EXOSC8: variants seen among roughly 807,000 people sequenced by gnomAD.
EXOSC8 encodes exosome complex component RRP43.
A neutral mutation model predicts 39.9 loss-of-function variants in EXOSC8; 37 were observed. That is an observed-to-expected ratio of 0.93 (90% CI 0.71 to 1.22). The LOEUF (loss-of-function observed/expected upper bound fraction) is 1.22. EXOSC8 is among the 50% of genes most tolerant of loss of function. The probability of loss-of-function intolerance (pLI) is 0.00; values close to 1 mark genes in which losing one functional copy is unlikely to be tolerated. For missense variants in EXOSC8, 313 were observed against 326.6 expected, an observed-to-expected ratio of 0.96 and a Z score of 0.32; for synonymous variants, 93 against 109.5, an observed-to-expected ratio of 0.85 and a Z score of 0.94.
chr13:37,006,861 T>C, intron 7 of EXOSC8, 114 bp from the exon 8 acceptor site: 1 of 651,970 alleles, frequency 1.5e-6, no homozygotes, highest in Non-Finnish European at 2.7e-6. Context: ...TTTTGAGCCT[T>C]GAAAGTTATC....
chr13:37,002,337 C>T (rs748000621), intron 2 of EXOSC8, 28 bp downstream of exon 2: 34 of 1,568,708 alleles, frequency 2.2e-5, no homozygotes, highest in Non-Finnish European at 2.8e-5. Flanking sequence ...ACATGTTATG[C>T]GTTTTGATAA....
At chr13:37,004,102 C>T (rs1349632264) in intron 4 of EXOSC8, 1 of 153,936 alleles carries the variant, frequency 6.5e-6, no homozygotes, top group Admixed American at 6.5e-5. Flanking sequence ...AAACTCCTGA[C>T]CTCAGGTGAT....
intron 2 of EXOSC8, 65 bp downstream of exon 2, chr13:37,002,374 A>G: frequency 6.9e-7 from 1 of 1,454,794 alleles, no homozygotes; most frequent in Admixed American, 1.7e-5. Flanking sequence ...ATGAATTTCA[A>G]GTAATTTAAA....
intron 8 of EXOSC8, 32 bp downstream of exon 8, chr13:37,007,103 C>T (rs775979302): frequency 2.1e-5 from 27 of 1,294,224 alleles, no homozygotes; most frequent in Non-Finnish European, 3.0e-5. Context: ...GCAATATTCC[C>T]ACTCATGGGT....
Position 37,004,535 on chromosome 13 carries a change from C to G in EXOSC8, c.212C>G (p.Thr71Arg). Reference protein sequence around the residue: ...GVKAEFAAPSTDAPDKGYVVP... With the variant: ...GVKAEFAAPSRDAPDKGYVVP... ...CTATAGGAATTTGCAGCACCATCAA[C>G]AGATGCCCCTGATAAAGGATACGTT... The change falls in exon 5 of 11, where the codon ACA (threonine) becomes AGA (arginine). Residue 71 changes from threonine to arginine, a missense_variant. By Grantham distance (71) the Thr-to-Arg change is moderately conservative. Transcript: ENST00000389704. 1 of 1,608,364 alleles carries G rather than the reference C, an allele frequency of 6.2e-7. No individual in the cohort carries two copies. Among genetic ancestry groups the G allele is most frequent in the South Asian group, 1.1e-5 (1 of 90,532 alleles).
rs190229512 is a variant in EXOSC8, at chr13:37,004,192, T to A, written c.193-324T>A. 319 of 212,014 alleles carry A rather than the reference T, an allele frequency of 1.5e-3. 2 individuals are homozygous for A. The highest frequency in any genetic ancestry group is 6.7e-3 in the African/African-American group (295 of 43,814). 13.1% of individuals were successfully genotyped at this position (212,014 alleles called of 1,614,324 possible). ...CAGCTGAGCTTTTGCTCTTTACCACTAAAGCAGCAGTTCCTAAATCTTGCT... is the reference window on the plus strand; with the variant it reads ...CAGCTGAGCTTTTGCTCTTTACCACAAAAGCAGCAGTTCCTAAATCTTGCT... On this transcript the variant is annotated intron_variant, in intron 4 of 10. Coordinates refer to ENST00000389704, the MANE Select transcript of EXOSC8 (RefSeq NM_181503.3).
rs371744164 is a variant in EXOSC8, at chr13:37,006,181, A to G, written c.390+21A>G. Reference sequence around the variant, plus strand: ...GAAAGGTAAGAGGAATAGAGAAGCTATAAGTTCTTATTAATTCTGAAGGGA... The same window carrying G: ...GAAAGGTAAGAGGAATAGAGAAGCTGTAAGTTCTTATTAATTCTGAAGGGA... On this transcript the variant is annotated intron_variant, in intron 7 of 10. Coordinates refer to ENST00000389704, the MANE Select transcript of EXOSC8 (RefSeq NM_181503.3). 62 of 1,538,996 alleles carry G rather than the reference A, an allele frequency of 4.0e-5. No individual in the cohort carries two copies. The African/African-American group carries it at 6.3e-4, about 16-fold the overall frequency.
intron 3 of EXOSC8, 91 bp from the exon 4 acceptor site, chr13:37,002,842 CA>C (rs2059115531): frequency 1.2e-6 from 1 of 859,308 alleles, no homozygotes; most frequent in Non-Finnish European, 1.9e-6. Context: ...TAATCGTACA[CA>C]GCAAACTAAA....
chr13:37,008,314 C>T, intron 9 of EXOSC8, 137 bp downstream of exon 9: 1 of 716,740 alleles, frequency 1.4e-6, no homozygotes, highest in East Asian at 2.6e-5. Context: ...TTCTACTTGT[C>T]CCTGCACAAT....
rs1371951421 is a variant in EXOSC8, at chr13:37,006,237, A to G, written c.390+77A>G. On this transcript the variant is annotated intron_variant, in intron 7 of 10. Coordinates refer to ENST00000389704, the MANE Select transcript of EXOSC8 (RefSeq NM_181503.3). ...TTTTTGTGGGGGAAAGTGAACAAGG[A>G]AATTAAAACCACCAATCAAAGTAGC... The G allele has an allele frequency of 7.4e-6, 7 of 948,742 alleles. No individual in the cohort carries two copies. In the Admixed American group the frequency reaches 1.6e-4, roughly 22 times the overall value. 58.8% of individuals were successfully genotyped at this position (948,742 alleles called of 1,614,324 possible).
intron 1 of EXOSC8, among the ~76,000 whole-genome samples, 200 bp from the exon 2 acceptor site, chr13:37,002,070 ATCT>A (rs1350673375): frequency 1.3e-5 from 2 of 152,204 alleles, no homozygotes; most frequent in Non-Finnish European, 1.5e-5. Context: ...TTAGACGCCA[ATCT>A]TCTAATCGTT....
intron 3 of EXOSC8, 79 bp downstream of exon 3, chr13:37,002,630 C>G: frequency 2.0e-6 from 2 of 1,005,506 alleles, no homozygotes; most frequent in Non-Finnish European, 3.0e-6. Context: ...GTTTTTCACC[C>G]AAATTCTTTG....
chr13:37,006,594 G>C lies in EXOSC8; in HGVS notation c.391-381G>C, dbSNP rs1285770984. On this transcript the variant is annotated intron_variant, in intron 7 of 10. Transcript: ENST00000389704. Reference sequence around the variant, plus strand: ...CTAGATCATATAAACTGATACATTAGCACTGTAAAACTTAAACATTTCATG... The same window carrying C: ...CTAGATCATATAAACTGATACATTACCACTGTAAAACTTAAACATTTCATG... Among the ~76,000 whole-genome samples the C allele has an allele frequency of 4.6e-5, 7 of 152,066 alleles. No individual in the cohort carries two copies. In the East Asian group the frequency reaches 1.3e-3, roughly 29 times the overall value.
Position 37,005,923 on chromosome 13 carries a change from C to T in EXOSC8, c.242C>T (p.Pro81Leu). The change falls in exon 6 of 11, where the codon CCT becomes CTT. Residue 81 changes from proline (P) to leucine (L), a missense_variant. Physicochemically the swap from Pro to Leu is moderately conservative, Grantham distance 98 (BLOSUM62 -3). Transcript: ENST00000389704. ...AGCTGCAGAGTGTTTCTTTCAGTTC[C>T]TAATGTGGATCTACCACCCCTGTGT... ...TDAPDKGYVV[P>L]NVDLPPLCSS... The T allele has an allele frequency of 6.9e-7, 1 of 1,448,774 alleles. No individual in the cohort carries two copies. The highest frequency in any genetic ancestry group is 1.1e-5 in the South Asian group (1 of 87,006). The allele number at this position is 1,448,774 out of a possible 1,614,324, so 89.7% of individuals were successfully genotyped here. A position where few individuals can be genotyped will look rare whatever the true frequency, so the allele number is the denominator to read the frequency against.
intron 3 of EXOSC8, 22 bp downstream of exon 3, chr13:37,002,573 TCAA>T: frequency 6.6e-7 from 1 of 1,513,792 alleles, no homozygotes; most frequent in South Asian, 1.2e-5. Flanking sequence ...TTTTCCACTT[TCAA>T]CTGTATGATA....
intron 1 of EXOSC8, among the ~76,000 whole-genome samples, chr13:37,001,264 C>T (rs1303145296): frequency 1.3e-5 from 2 of 152,030 alleles, no homozygotes; most frequent in African/African-American, 4.8e-5. Context: ...TAAAAATTAG[C>T]CGGGCGTGGT....
intron 4 of EXOSC8, 96 bp from the exon 5 acceptor site, chr13:37,004,420 T>C: frequency 1.2e-6 from 1 of 809,802 alleles, no homozygotes; most frequent in South Asian, 1.5e-5. Context: ...TTCCCTAAGC[T>C]GATATTTGAT....
chr13:37,002,445 T>C, intron 2 of EXOSC8, 43 bp from the exon 3 acceptor site: 1 of 1,355,678 alleles, frequency 7.4e-7, no homozygotes, highest in Non-Finnish European at 1.0e-6. Context: ...GTGTAAAATA[T>C]GTAATAGGTA....
In EXOSC8 at chr13:37,009,544, C is replaced by A; in HGVS notation, c.*245C>A. The A allele has an allele frequency of 8.8e-7, 1 of 1,136,892 alleles. No individual in the cohort carries two copies. Among genetic ancestry groups the A allele is most frequent in the Non-Finnish European group, 1.3e-6 (1 of 766,324 alleles). 70.4% of individuals were successfully genotyped at this position (1,136,892 alleles called of 1,614,324 possible). A position where few individuals can be genotyped will look rare whatever the true frequency, so the allele number is the denominator to read the frequency against. The stretch of plus-strand genomic sequence containing the variant: ...ATTTAAAAATGATAAGGTTGTGCTT[C>A]TGTATAAAGTTTGTACATCTAGCAA... On this transcript the variant is annotated 3_prime_UTR_variant, in exon 11 of 11. Coordinates refer to ENST00000389704, the MANE Select transcript of EXOSC8 (RefSeq NM_181503.3).
Sources: allele counts gnomAD v4.1 joint callset (sites outside exome capture counted in the v4.1 genomes callset), GRCh38; gene constraint gnomAD v4.1.1; transcripts MANE v1.5; gene names NCBI Gene and HGNC (gene_info 2026-07-23, HGNC 2026-07-21).